The following ZC3HAV1 variants were observed in gnomAD, a reference collection of about 807,000 sequenced individuals.
ZC3HAV1 encodes the protein zinc finger CCCH-type containing, antiviral 1, also known as zinc finger CCCH-type antiviral protein 1.
ZC3HAV1 carries 41 observed loss-of-function variants against 86.6 expected under a neutral mutation model. That is an observed-to-expected ratio of 0.47 (90% CI 0.37 to 0.61). The LOEUF (loss-of-function observed/expected upper bound fraction) is 0.61. ZC3HAV1 is among the 20% of genes least tolerant of loss of function. The pLI is 0.00. For synonymous variants in ZC3HAV1, 421 were observed against 432.1 expected (o/e 0.97, Z 0.32); for missense variants, 964 against 1,141.1 (o/e 0.84, Z 2.24).
chr7:139,068,614 C>T (rs1268568371), intron 7 of ZC3HAV1, among the ~76,000 whole-genome samples: 3 of 152,084 alleles, frequency 2.0e-5, no homozygotes, highest in Admixed American at 2.0e-4. Flanking sequence ...ATGAAATTGC[C>T]GCATGTGGCA....
intron 1 of ZC3HAV1, among the ~76,000 whole-genome samples, chr7:139,090,058 C>T (rs1365725621): frequency 3.3e-5 from 5 of 151,888 alleles, no homozygotes; most frequent in Non-Finnish European, 1.5e-5. Flanking sequence ...TAGCTGGAAA[C>T]ACAGGCACGC....
rs1414563624 is a variant in ZC3HAV1 at position 139,109,539 on chromosome 7, C to T, written c.-208G>A. Reference sequence around the variant, plus strand: ...GGTCAAGAGGCTAGATCTCACCGACCGGGTCCTAGTGGCAGGTTTACAGCC... The same window carrying T: ...GGTCAAGAGGCTAGATCTCACCGACTGGGTCCTAGTGGCAGGTTTACAGCC... On this transcript the variant is annotated 5_prime_UTR_variant, in exon 1 of 13. Transcript: ENST00000242351. The T allele has an allele frequency of 6.8e-6, 4 of 586,722 alleles. No individual in the cohort carries two copies. The highest frequency in any genetic ancestry group is 1.1e-5 in the Non-Finnish European group (4 of 359,728). 36.3% of individuals were successfully genotyped at this position (586,722 alleles called of 1,614,324 possible).
At chr7:139,100,861 C>CCTCTCT (rs1405830964) in intron 1 of ZC3HAV1, among the ~76,000 whole-genome samples, 1 of 146,732 alleles carries the variant, frequency 6.8e-6, no homozygotes, top group Non-Finnish European at 1.5e-5. Flanking sequence ...TCTCCCTCTC[C>CCTCTCT]CTCTCTTTCC....
rs1475286628 is a variant in ZC3HAV1, at chr7:139,061,698, A to G, written c.1994-560T>C. ...TTAAATATGCACTCCTATGTGATTTAGCAATCCCATTTCTGGGTATTTACC... is the reference window on the plus strand; with the variant it reads ...TTAAATATGCACTCCTATGTGATTTGGCAATCCCATTTCTGGGTATTTACC... On this transcript the variant is annotated intron_variant, in intron 8 of 12. Coordinates refer to ENST00000242351, the MANE Select transcript of ZC3HAV1 (RefSeq NM_020119.4). 5.9e-5 allele frequency among the ~76,000 whole-genome samples: 9 copies of G among 152,232 alleles called. No individual in the cohort carries two copies. In the East Asian group the frequency reaches 1.7e-3, roughly 29 times the overall value.
chr7:139,082,605 C>A (rs1299716614), intron 3 of ZC3HAV1, among the ~76,000 whole-genome samples: 1 of 151,928 alleles, frequency 6.6e-6, no homozygotes, highest in Non-Finnish European at 1.5e-5. Context: ...AAATATCCAT[C>A]GACAGATGAA....
At chr7:139,090,290 C>CA (rs1817393120) in intron 1 of ZC3HAV1, among the ~76,000 whole-genome samples, 1 of 152,084 alleles carries the variant, frequency 6.6e-6, no homozygotes, top group Non-Finnish European at 1.5e-5. Context: ...TACACCTTTT[C>CA]AAAAAACTCC....
Position 139,055,201 on chromosome 7 carries a change from G to C in ZC3HAV1, c.2187+4C>G, listed in dbSNP as rs552722997. ...TCATCCACCAAACATGTAAAACCAA[G>C]TACCTTATATTTCTTTGAGGATAGG... On this transcript the variant is annotated splice_donor_region_variant and intron_variant, in intron 10 of 12. Coordinates refer to ENST00000242351, the MANE Select transcript of ZC3HAV1 (RefSeq NM_020119.4). 6.2e-7 allele frequency: 1 copy of C among 1,611,378 alleles called. No homozygotes were observed. The highest frequency in any genetic ancestry group is 1.3e-5 in the African/African-American group (1 of 74,966).
rs755464159 is a variant in ZC3HAV1 at position 139,056,410 on chromosome 7, CTTTTCTTT to C, written c.2097-1123_2097-1116del. Among the ~76,000 whole-genome samples, 494 of 132,134 alleles carry C rather than the reference CTTTTCTTT, an allele frequency of 3.7e-3. 11 individuals are homozygous for C. Among genetic ancestry groups the C allele is most frequent in the African/African-American group, 6.4e-3 (229 of 35,878 alleles). The allele number at this position is 132,134 out of a possible 152,430, so 86.7% of individuals were successfully genotyped here. On this transcript the variant is annotated intron_variant, in intron 9 of 12. Coordinates refer to ENST00000242351, the MANE Select transcript of ZC3HAV1 (RefSeq NM_020119.4). ...TTTTTTTCCTTTTTCTTTTTCTTTTCTTTTCTTTTTTTTTTTTTTTGAGACAGTCTCAC... is the reference window on the plus strand; with the variant it reads ...TTTTTTTCCTTTTTCTTTTTCTTTTCTTTTTTTTTTTTGAGACAGTCTCAC...
chr7:139,061,180 C>T (rs1340688343), intron 8 of ZC3HAV1, 42 bp from the exon 9 acceptor site: 2 of 1,588,506 alleles, frequency 1.3e-6, no homozygotes, highest in African/African-American at 2.7e-5. Flanking sequence ...GAATCAAGAT[C>T]AGCCCTAGAA....
At chr7:139,084,171 T>C in intron 2 of ZC3HAV1, 139 bp from the exon 3 acceptor site, 1 of 1,198,400 alleles carries the variant, frequency 8.3e-7, no homozygotes, top group South Asian at 1.6e-5. Flanking sequence ...ATGCATATTC[T>C]GCAGTCTTTG....
In ZC3HAV1 at chr7:139,047,496, G is replaced by T; in HGVS notation, c.*98C>A. The T allele has an allele frequency of 6.5e-7, 1 of 1,529,254 alleles. No homozygotes were observed. 94.7% of individuals were successfully genotyped at this position (1,529,254 alleles called of 1,614,324 possible). A position where few individuals can be genotyped will look rare whatever the true frequency, so the allele number is the denominator to read the frequency against. ...CTGATCTAAGACATTAGATAACTGA[G>T]CAGGAAAATATAAAACTTTAACTCC... On this transcript the variant is annotated 3_prime_UTR_variant, in exon 13 of 13. Coordinates refer to ENST00000242351, the MANE Select transcript of ZC3HAV1 (RefSeq NM_020119.4).
At chr7:139,057,520 C>T (rs929871962) in intron 9 of ZC3HAV1, among the ~76,000 whole-genome samples, 1 of 150,640 alleles carries the variant, frequency 6.6e-6, no homozygotes, top group African/African-American at 2.4e-5. Context: ...TTTCCATGAT[C>T]AAAACAATTA....
chr7:139,060,884 T>G (rs781545047), intron 9 of ZC3HAV1, 152 bp downstream of exon 9: 1 of 1,561,088 alleles, frequency 6.4e-7, no homozygotes, highest in Non-Finnish European at 8.6e-7. Flanking sequence ...TTAACAAGCA[T>G]CTTACTCATC....
At chr7:139,087,216 C>T (rs1817295094) in intron 2 of ZC3HAV1, among the ~76,000 whole-genome samples, 1 of 152,210 alleles carries the variant, frequency 6.6e-6, no homozygotes, top group South Asian at 2.1e-4. Flanking sequence ...TGATATGTCT[C>T]TGATCATCAG....
In ZC3HAV1 at chr7:139,055,716, T is replaced by C. The variant is rs141619109; in HGVS notation, c.2097-421A>G. The stretch of plus-strand genomic sequence containing the variant: ...TATGAACTGTATTTCAGGGTAACCA[T>C]ACCTGAGAAGTAATTTTCTTTTTCT... On this transcript the variant is annotated intron_variant, in intron 9 of 12. Transcript: ENST00000242351. Among the ~76,000 whole-genome samples the C allele has an allele frequency of 3.9e-3, 599 of 152,308 alleles. 5 individuals are homozygous for C. Among genetic ancestry groups the C allele is most frequent in the African/African-American group, 0.014 (582 of 41,554 alleles).
chr7:139,077,361 A>G (rs1485446085), intron 5 of ZC3HAV1, among the ~76,000 whole-genome samples: 2 of 152,172 alleles, frequency 1.3e-5, no homozygotes, highest in African/African-American at 4.8e-5. Context: ...CTCCTGCCTC[A>G]GTCTCCCTAG....
intron 7 of ZC3HAV1, among the ~76,000 whole-genome samples, chr7:139,065,527 G>T (rs1228200029): frequency 6.6e-6 from 1 of 152,186 alleles, no homozygotes; most frequent in Admixed American, 6.5e-5. Flanking sequence ...CTGAACCAGA[G>T]TAAGTAAACA....
At chr7:139,097,424 A>ATTTTTTTTTTTTTTTTTTTTTTTTTT (rs1278585081) in intron 1 of ZC3HAV1, among the ~76,000 whole-genome samples, 1 of 81,236 alleles carries the variant, frequency 1.2e-5, no homozygotes, top group Non-Finnish European at 2.1e-5. Context: ...ATATATATAT[A>ATTTTTTTTTTTTTTTTTTTTTTTTTT]TATATTTTTT....
At chr7:139,097,428 A>ATATTTTT in intron 1 of ZC3HAV1, among the ~76,000 whole-genome samples, 10 of 48,158 alleles carry the variant, frequency 2.1e-4, no homozygotes, top group African/African-American at 9.1e-4. Flanking sequence ...ATATATATAT[A>ATATTTTT]TTTTTTTTTT....
Sources: gnomAD v4.1 joint callset for allele counts (sites outside exome capture counted in the v4.1 genomes callset) on GRCh38, gnomAD v4.1.1 for gene constraint, MANE v1.5 for transcripts, NCBI Gene and HGNC (gene_info 2026-07-23, HGNC 2026-07-21) for gene names.